CNDP2: variants seen among roughly 807,000 people sequenced by gnomAD.
CNDP2 encodes cytosolic non-specific dipeptidase.
In CNDP2, 38 loss-of-function variants were observed where a neutral mutation model predicts 55.0. The observed-to-expected ratio is 0.69, with a 90% CI of 0.53 to 0.90. CNDP2 has a LOEUF of 0.90. CNDP2 is among the 40% of genes least tolerant of loss of function. CNDP2 has a pLI of 0.00. For synonymous variants in CNDP2, 241 were observed against 260.2 expected (o/e 0.93, Z 0.71); for missense variants, 607 against 621.7 (o/e 0.98, Z 0.25).
At chr18:74,499,274 T>C (rs1248709166) in intron 1 of CNDP2, 1 of 152,316 alleles carries the variant, frequency 6.6e-6, no homozygotes, top group East Asian at 1.9e-4. Context: ...TCTGAGGATG[T>C]GTTTTCACCT....
At chr18:74,512,211 C>T in intron 6 of CNDP2, 1 of 474,618 alleles carries the variant, frequency 2.1e-6, no homozygotes, top group Non-Finnish European at 3.8e-6. Flanking sequence ...ATGCTTGTAC[C>T]TGTGGCTAGT....
Position 74,510,905 on chromosome 18 carries a change from A to T in CNDP2, c.549A>T (p.Thr183=), listed in dbSNP as rs897470051. The T allele has an allele frequency of 1.1e-5, 17 of 1,614,052 alleles. No individual in the cohort carries two copies. The Admixed American group carries it at 2.7e-4, about 25-fold the overall frequency. ...AGCTGATTTTTGCCCGGAAAGACAC[A>T]TTCTTTAAGGATGTGGACTATGTCT... ...LDELIFARKD[T]FFKDVDYVCI... is the part of the protein sequence containing the mutation. Residue 183 remains threonine (T), a synonymous_variant, in exon 6 of 12, where the codon ACA becomes ACT. Transcript: ENST00000324262.
chr18:74,510,694 G>A lies in CNDP2; in HGVS notation c.457-119G>A, dbSNP rs1054656410. On this transcript the variant is annotated intron_variant, in intron 5 of 11. Transcript: ENST00000324262. ...GAGGGGGTGATGACAGGTGCACACG[G>A]AGGCCCATGTGGTCTGTCTGGAGAA... 1.5e-5 allele frequency: 13 copies of A among 847,208 alleles called. No homozygotes were observed. In the African/African-American group the frequency reaches 2.2e-4, roughly 14 times the overall value. The allele number at this position is 847,208 out of a possible 1,614,324, so 52.5% of individuals were successfully genotyped here.
intron 1 of CNDP2, among the ~76,000 whole-genome samples, chr18:74,497,086 CAATA>C (rs1978456689): frequency 6.6e-6 from 1 of 152,092 alleles, no homozygotes; most frequent in African/African-American, 2.4e-5. Flanking sequence ...GAAATAGAGA[CAATA>C]TTTGGTCCTC....
rs1251476265 is a variant in CNDP2 at position 74,516,414 on chromosome 18, G to A, written c.1068+22G>A. The A allele has an allele frequency of 6.9e-6, 11 of 1,593,126 alleles. No individual in the cohort carries two copies. In the Admixed American group the frequency reaches 1.9e-4, roughly 27 times the overall value. ...GCAGGCATGTGGGGCTGGGACACGG[G>A]GTGGGGGCCAAGAGCTACTGTGTCC... is the stretch of plus-strand genomic sequence containing the variant. On this transcript the variant is annotated intron_variant, in intron 9 of 11. Transcript: ENST00000324262.
intron 2 of CNDP2, among the ~76,000 whole-genome samples, chr18:74,500,394 C>G (rs1216864682): frequency 6.6e-6 from 1 of 152,134 alleles, no homozygotes; most frequent in Non-Finnish European, 1.5e-5. Context: ...TAAAGTTATT[C>G]TTCGTACATA....
chr18:74,516,469 A>C, intron 9 of CNDP2, 77 bp downstream of exon 9: 1 of 1,392,710 alleles, frequency 7.2e-7, no homozygotes, highest in African/African-American at 1.4e-5. Flanking sequence ...ATAGGCTGTT[A>C]CTCGACAGAC....
Position 74,519,066 on chromosome 18 carries a change from G to T in CNDP2, c.1328G>T (p.Gly443Val). 6.2e-7 allele frequency: 1 copy of T among 1,611,512 alleles called. No homozygotes were observed. The highest frequency in any genetic ancestry group is 8.5e-7 in the Non-Finnish European group (1 of 1,177,920). ...MLLPVGSADD[G>V]AHSQNEKLNR... Reference sequence around the variant, plus strand: ...CTGCCTGTGGGGTCAGCGGATGACGGAGCCCACTCCCAGAATGAAAAGCTC... The same window carrying T: ...CTGCCTGTGGGGTCAGCGGATGACGTAGCCCACTCCCAGAATGAAAAGCTC... The change falls in exon 11 of 12, where the codon GGA becomes GTA. Residue 443 changes from glycine to valine, a missense_variant. By Grantham distance (109) the Gly-to-Val change is moderately radical. Coordinates refer to ENST00000324262, the MANE Select transcript of CNDP2 (RefSeq NM_018235.3).
Position 74,521,576 on chromosome 18 carries a change from T to TA in CNDP2, c.*1508_*1509insA, listed in dbSNP as rs1980050208. 1 of 152,258 alleles carries TA rather than the reference T, an allele frequency of 6.6e-6. No individual in the cohort carries two copies. Among genetic ancestry groups the TA allele is most frequent in the African/African-American group, 2.4e-5 (1 of 41,436 alleles). 9.4% of individuals were successfully genotyped at this position (152,258 alleles called of 1,614,324 possible). ...GACACAGGAGCCAGCCTGGAAGAGTTTGCAGGGGCCCAGGGGAGCAATTGG... is the reference window on the plus strand; with the variant it reads ...GACACAGGAGCCAGCCTGGAAGAGTTATGCAGGGGCCCAGGGGAGCAATTGG... On this transcript the variant is annotated 3_prime_UTR_variant, in exon 12 of 12. Coordinates refer to ENST00000324262, the MANE Select transcript of CNDP2 (RefSeq NM_018235.3).
rs549863276 is a variant in CNDP2 at position 74,523,316 on chromosome 18, A to G, written c.*3248A>G. On this transcript the variant is annotated 3_prime_UTR_variant, in exon 12 of 12. Coordinates refer to ENST00000324262, the MANE Select transcript of CNDP2 (RefSeq NM_018235.3). The stretch of plus-strand genomic sequence containing the variant: ...TCAGAAGAGCACAAACCACTTTCCC[A>G]GAGAGGTTATGAAGACAGAAATGAC... The G allele has an allele frequency of 6.6e-6, 1 of 152,320 alleles. No individual in the cohort carries two copies. Among genetic ancestry groups the G allele is most frequent in the Middle Eastern group, 3.4e-3 (1 of 294 alleles). 9.4% of individuals were successfully genotyped at this position (152,320 alleles called of 1,614,324 possible).
rs375379348 is a variant in CNDP2 at position 74,508,879 on chromosome 18, C to T, written c.407C>T (p.Pro136Leu). Residue 136 changes from proline to leucine, a missense_variant, in exon 5 of 12, where the codon CCG becomes CTG. By Grantham distance (98) the Pro-to-Leu change is moderately conservative. Coordinates refer to ENST00000324262, the MANE Select transcript of CNDP2 (RefSeq NM_018235.3). ...YGRGSTDDKG[P>L]VAGWINALEA... ...AGAGGTTCGACTGATGATAAGGGCCCGGTGGCCGGCTGGATAAACGCCCTG... is the reference window on the plus strand; with the variant it reads ...AGAGGTTCGACTGATGATAAGGGCCTGGTGGCCGGCTGGATAAACGCCCTG... The T allele has an allele frequency of 7.2e-5, 116 of 1,613,932 alleles. No individual in the cohort carries two copies. Among genetic ancestry groups the T allele is most frequent in the Non-Finnish European group, 9.4e-5 (111 of 1,180,008 alleles).
chr18:74,509,412 A>G (rs2144593350), intron 5 of CNDP2: 1 of 153,806 alleles, frequency 6.5e-6, no homozygotes, highest in Admixed American at 6.4e-5. Flanking sequence ...AGGTGGGTGG[A>G]TCACTTGGGG....
chr18:74,510,022 CTG>C (rs1164499799), intron 5 of CNDP2, among the ~76,000 whole-genome samples: 1 of 152,230 alleles, frequency 6.6e-6, no homozygotes, highest in Non-Finnish European at 1.5e-5. Flanking sequence ...TCCCCAACCT[CTG>C]GCCCCGTGGA....
intron 8 of CNDP2, among the ~76,000 whole-genome samples, chr18:74,514,297 G>A (rs964928140): frequency 1.6e-4 from 25 of 151,654 alleles, no homozygotes; most frequent in African/African-American, 5.8e-4. Context: ...ATGTGGTATG[G>A]ATGTAAGTTC....
At chr18:74,518,177 G>C (rs1250325776) in intron 9 of CNDP2, 2 of 182,038 alleles carry the variant, frequency 1.1e-5, no homozygotes, top group Non-Finnish European at 2.4e-5. Flanking sequence ...CAGGAGAATG[G>C]CGTGAACCCG....
At chr18:74,502,031 G>A (rs947812098) in intron 3 of CNDP2, among the ~76,000 whole-genome samples, 2 of 152,038 alleles carry the variant, frequency 1.3e-5, no homozygotes, top group Non-Finnish European at 2.9e-5. Context: ...GTAGCTGGGC[G>A]AGCGCCACTA....
chr18:74,512,927 G>T (rs143957761), intron 7 of CNDP2, among the ~76,000 whole-genome samples: 1 of 152,120 alleles, frequency 6.6e-6, no homozygotes, highest in Non-Finnish European at 1.5e-5. Flanking sequence ...AGGTCCCCCC[G>T]CCTGATCAGC....
At chr18:74,514,892 C>CA (rs1202269687) in intron 8 of CNDP2, among the ~76,000 whole-genome samples, 3 of 152,334 alleles carry the variant, frequency 2.0e-5, no homozygotes, top group South Asian at 4.1e-4. Context: ...CTCCCAGAGA[C>CA]AGACAGGCAA....
Position 74,510,911 on chromosome 18 carries a change from T to C in CNDP2, c.555T>C (p.Phe185=). 6.2e-7 allele frequency: 1 copy of C among 1,613,972 alleles called. No individual in the cohort carries two copies. Among genetic ancestry groups the C allele is most frequent in the Non-Finnish European group, 8.5e-7 (1 of 1,179,826 alleles). ...ELIFARKDTF[F]KDVDYVCISD... is the part of the protein sequence containing the mutation. ...TTTTTGCCCGGAAAGACACATTCTT[T>C]AAGGATGTGGACTATGTCTGCATTT... The change falls in exon 6 of 12, where the codon TTT becomes TTC. Residue 185 remains phenylalanine (F), a synonymous_variant. Coordinates refer to ENST00000324262, the MANE Select transcript of CNDP2 (RefSeq NM_018235.3).
Sources: gnomAD v4.1 joint callset for allele counts (sites outside exome capture counted in the v4.1 genomes callset) on GRCh38, gnomAD v4.1.1 for gene constraint, MANE v1.5 for transcripts, NCBI Gene and HGNC (gene_info 2026-07-23, HGNC 2026-07-21) for gene names.